Variants in XKR6 observed in about 807,000 individuals in gnomAD.
XKR6 encodes XK-related protein 6.
XKR6 carries 22 observed loss-of-function variants against 56.7 expected under a neutral mutation model. That is an observed-to-expected ratio of 0.39 (90% CI 0.28 to 0.55). The LOEUF is 0.55. XKR6 is among the 20% of genes least tolerant of loss of function. XKR6 has a pLI of 0.66. For missense variants in XKR6, 852 were observed against 889.0 expected (o/e 0.96, Z 0.53); for synonymous variants, 524 against 387.8 (o/e 1.35, Z -4.13).
intron 1 of XKR6, among the ~76,000 whole-genome samples, chr8:10,989,827 A>C (rs1797947597): frequency 6.6e-6 from 1 of 152,208 alleles, no homozygotes. Flanking sequence ...CCACCTTATG[A>C]ATGGGAAGTA....
At chr8:11,139,780 A>T (rs1039382157) in intron 1 of XKR6, among the ~76,000 whole-genome samples, 1 of 152,200 alleles carries the variant, frequency 6.6e-6, no homozygotes, top group Non-Finnish European at 1.5e-5. Flanking sequence ...CCATGAGTTG[A>T]GGAAAACTAG....
chr8:11,085,383 T>G (rs1340698888), intron 1 of XKR6, among the ~76,000 whole-genome samples: 1 of 152,214 alleles, frequency 6.6e-6, no homozygotes, highest in Non-Finnish European at 1.5e-5. Context: ...CACATCCTCC[T>G]GCAGGGGACC....
At chr8:11,110,334 T>A (rs762757500) in intron 1 of XKR6, among the ~76,000 whole-genome samples, 2 of 152,170 alleles carry the variant, frequency 1.3e-5, no homozygotes. Flanking sequence ...AGCCAATTTC[T>A]CTTAAAACAA....
intron 1 of XKR6, among the ~76,000 whole-genome samples, chr8:11,025,615 C>T (rs547670209): frequency 6.6e-6 from 1 of 152,296 alleles, no homozygotes; most frequent in East Asian, 1.9e-4. Context: ...GGAACAAAAG[C>T]CTAATTCCTG....
At chr8:10,994,330 G>A (rs1282599959) in intron 1 of XKR6, among the ~76,000 whole-genome samples, 1 of 152,228 alleles carries the variant, frequency 6.6e-6, no homozygotes, top group Non-Finnish European at 1.5e-5. Flanking sequence ...CTGGCTCTAG[G>A]CCCCTCTCCT....
intron 1 of XKR6, among the ~76,000 whole-genome samples, chr8:11,096,847 T>C (rs1446496741): frequency 6.6e-6 from 1 of 152,252 alleles, no homozygotes. Context: ...AGAATATGCA[T>C]ACTCAAGACC....
At chr8:11,167,300 A>G (rs1397747221) in intron 1 of XKR6, among the ~76,000 whole-genome samples, 1 of 152,186 alleles carries the variant, frequency 6.6e-6, no homozygotes, top group African/African-American at 2.4e-5. Context: ...CCTTTGCCCT[A>G]TCTCCTCCCA....
chr8:11,106,720 G>C (rs1344496124), intron 1 of XKR6: 1 of 151,660 alleles, frequency 6.6e-6, no homozygotes, highest in Non-Finnish European at 1.5e-5. Flanking sequence ...CATGGTGGTG[G>C]GCACCTGTGG....
At chr8:11,157,342 A>G (rs1391414680) in intron 1 of XKR6, among the ~76,000 whole-genome samples, 2 of 152,206 alleles carry the variant, frequency 1.3e-5, no homozygotes, top group Non-Finnish European at 2.9e-5. Flanking sequence ...CATACCAATG[A>G]TGGTTTCCTA....
At chr8:11,112,114 T>C (rs1043372600) in intron 1 of XKR6, among the ~76,000 whole-genome samples, 2 of 152,230 alleles carry the variant, frequency 1.3e-5, no homozygotes. Context: ...ACCACCTACT[T>C]AATTATAGAG....
intron 1 of XKR6, among the ~76,000 whole-genome samples, chr8:11,162,509 T>G (rs1251125503): frequency 6.6e-6 from 1 of 152,234 alleles, no homozygotes; most frequent in Non-Finnish European, 1.5e-5. Flanking sequence ...TATAATCAAG[T>G]ACCAGGTAGT....
At chr8:11,089,989 CT>C (rs1232803111) in intron 1 of XKR6, among the ~76,000 whole-genome samples, 1 of 152,184 alleles carries the variant, frequency 6.6e-6, no homozygotes. Context: ...GTTCACTCAA[CT>C]TTTTTTCACA....
At chr8:11,136,492 G>A (rs1198590717) in intron 1 of XKR6, among the ~76,000 whole-genome samples, 3 of 130,798 alleles carry the variant, frequency 2.3e-5, no homozygotes, top group Non-Finnish European at 3.2e-5. Context: ...CAACAAAAGC[G>A]AAACTCTGTC....
rs1201708759 is a variant in XKR6, at chr8:11,102,025, C to T, written c.764+98551G>A. On this transcript the variant is annotated intron_variant, in intron 1 of 2. Coordinates refer to ENST00000416569, the MANE Select transcript of XKR6 (RefSeq NM_173683.4). The stretch of plus-strand genomic sequence containing the variant: ...GGAGAAACGAGGAGGATGTGTCCAG[C>T]AACATTTAGAAACAGCGAGGGCTTC... 2.6e-5 allele frequency among the ~76,000 whole-genome samples: 4 copies of T among 152,160 alleles called. No individual in the cohort carries two copies. In the East Asian group the frequency reaches 7.7e-4, roughly 29 times the overall value.
At chr8:11,090,728 G>A (rs1305847368) in intron 1 of XKR6, among the ~76,000 whole-genome samples, 2 of 151,774 alleles carry the variant, frequency 1.3e-5, no homozygotes, top group Non-Finnish European at 1.5e-5. Context: ...TATAAATTGG[G>A]TCTTTTTTTC....
At chr8:11,191,718 C>G (rs1430854761) in intron 1 of XKR6, among the ~76,000 whole-genome samples, 1 of 136,852 alleles carries the variant, frequency 7.3e-6, no homozygotes, top group Non-Finnish European at 1.6e-5. Context: ...AAAAAAAAAA[C>G]AGAGAGGGAC....
chr8:11,127,962 T>C (rs112577894), intron 1 of XKR6, among the ~76,000 whole-genome samples: 1,587 of 152,324 alleles, frequency 0.01, 20 homozygotes, highest in African/African-American at 0.036. Flanking sequence ...CAATGCATAG[T>C]TCACACTAAA....
At chr8:11,150,050 G>C (rs943267558) in intron 1 of XKR6, among the ~76,000 whole-genome samples, 6 of 152,182 alleles carry the variant, frequency 3.9e-5, no homozygotes, top group African/African-American at 1.4e-4. Flanking sequence ...AGTAGAATGA[G>C]AGATACCAGA....
intron 1 of XKR6, among the ~76,000 whole-genome samples, chr8:11,186,832 C>T (rs1331936521): frequency 6.6e-6 from 1 of 152,222 alleles, no homozygotes; most frequent in African/African-American, 2.4e-5. Flanking sequence ...TGTTCAGTCA[C>T]TGACATTGTT....
Sources: allele counts gnomAD v4.1 joint callset (sites outside exome capture counted in the v4.1 genomes callset), GRCh38; gene constraint gnomAD v4.1.1; transcripts MANE v1.5; gene names NCBI Gene and HGNC (gene_info 2026-07-23, HGNC 2026-07-21).